DMGDH: variants seen among roughly 807,000 people sequenced by gnomAD.
DMGDH encodes the protein dimethylglycine dehydrogenase, mitochondrial.
In DMGDH, 76 loss-of-function variants were observed where a neutral mutation model predicts 95.2. The observed-to-expected ratio is 0.80, with a 90% CI of 0.66 to 0.97. DMGDH has a LOEUF of 0.97. Among genes scored for constraint, DMGDH ranks in the 50% least tolerant of loss-of-function variants. The pLI, the probability that DMGDH is intolerant of heterozygous loss-of-function variation, is 0.00. For missense variants in DMGDH, 987 were observed against 1,055.0 expected, an observed-to-expected ratio of 0.94 and a Z score of 0.89; for synonymous variants, 345 against 377.6, an observed-to-expected ratio of 0.91 and a Z score of 1.00.
At chr5:79,008,434 G>A (rs901767012) in intron 14 of DMGDH, among the ~76,000 whole-genome samples, 1 of 152,164 alleles carries the variant, frequency 6.6e-6, no homozygotes, top group Admixed American at 6.5e-5. Context: ...TCAAAGACAG[G>A]CAATCAACAA....
chr5:79,042,296 C>A lies in DMGDH; in HGVS notation c.1180G>T (p.Ala394Ser), dbSNP rs148324645. ...GAAGATACTTACCCAAAGCCTATAG[C>A]CACCCAGTAGTTTCTGACCCCCTGA... Reference protein sequence around the residue: ...PHQGVRNYWVAIGFGYGIIHA... With the variant: ...PHQGVRNYWVSIGFGYGIIHA... Residue 394 changes from alanine (A) to serine (S), a missense_variant, in exon 7 of 16, where the codon GCT (alanine) becomes TCT (serine). By Grantham distance (99) the Ala-to-Ser change is moderately conservative (BLOSUM62 1). Transcript: ENST00000255189. 3.7e-6 allele frequency: 6 copies of A among 1,613,976 alleles called. No individual in the cohort carries two copies. The highest frequency in any genetic ancestry group is 5.1e-6 in the Non-Finnish European group (6 of 1,179,962).
chr5:79,000,152 G>A, intron 15 of DMGDH: 1 of 561,188 alleles, frequency 1.8e-6, no homozygotes, highest in African/African-American at 1.9e-5. Flanking sequence ...ATTTTCAGGT[G>A]AATGTGTGTT....
intron 15 of DMGDH, 43 bp downstream of exon 15, chr5:79,005,230 A>G: frequency 6.2e-7 from 1 of 1,612,000 alleles, no homozygotes; most frequent in Non-Finnish European, 8.5e-7. Flanking sequence ...TTTCTGTTGC[A>G]GAAGATGCCA....
intron 15 of DMGDH, 96 bp from the exon 16 acceptor site, chr5:78,998,393 C>T: frequency 2.4e-6 from 3 of 1,260,660 alleles, no homozygotes; most frequent in Non-Finnish European, 3.4e-6. Context: ...ATTCAACTTA[C>T]AAAATGGAAG....
intron 14 of DMGDH, among the ~76,000 whole-genome samples, chr5:79,019,918 A>T (rs490270): frequency 1.3e-5 from 2 of 150,360 alleles, no homozygotes; most frequent in Middle Eastern, 3.2e-3. Flanking sequence ...ATAGATCGAT[A>T]GATAGATAGA....
rs1754155686 is a variant in DMGDH, at chr5:79,030,975, C to G, written c.1541G>C (p.Trp514Ser). 6.2e-7 allele frequency: 1 copy of G among 1,614,212 alleles called. No individual in the cohort carries two copies. Among genetic ancestry groups the G allele is most frequent in the African/African-American group, 1.3e-5 (1 of 75,062 alleles). ...ATACTCCGAGCCCACAGGCTCAAAC[C>G]AGTTTGTGCGGCGAAAACTTGGCCT... ...QYRPSFRRTNWFEPVGSEYKQ... is the reference protein window; with the variant it reads ...QYRPSFRRTNSFEPVGSEYKQ... The change falls in exon 10 of 16, where the codon TGG becomes TCG. Residue 514 changes from tryptophan (W) to serine (S), a missense_variant. Physicochemically the swap from Trp to Ser is radical, Grantham distance 177. Coordinates refer to ENST00000255189, the MANE Select transcript of DMGDH (RefSeq NM_013391.3).
At chr5:79,013,398 G>A (rs1753678106) in intron 14 of DMGDH, among the ~76,000 whole-genome samples, 1 of 152,094 alleles carries the variant, frequency 6.6e-6, no homozygotes, top group Non-Finnish European at 1.5e-5. Context: ...TCAGCATTTA[G>A]GTCACAACGA....
intron 14 of DMGDH, among the ~76,000 whole-genome samples, chr5:79,015,462 C>T (rs989954664): frequency 6.6e-6 from 1 of 152,214 alleles, no homozygotes; most frequent in Admixed American, 6.5e-5. Context: ...CCAGGATACA[C>T]TCCAAATTCC....
intron 14 of DMGDH, among the ~76,000 whole-genome samples, chr5:79,019,919 G>A (rs1753824716): frequency 6.7e-6 from 1 of 150,024 alleles, no homozygotes; most frequent in African/African-American, 2.5e-5. Flanking sequence ...TAGATCGATA[G>A]ATAGATAGAT....
intron 15 of DMGDH, chr5:78,999,967 G>T: frequency 4.4e-6 from 1 of 228,312 alleles, no homozygotes; most frequent in Non-Finnish European, 8.7e-6. Context: ...AATCACTTTT[G>T]GAAATTTCAC....
intron 14 of DMGDH, among the ~76,000 whole-genome samples, chr5:79,022,411 A>G (rs930337513): frequency 3.9e-5 from 6 of 152,220 alleles, no homozygotes; most frequent in African/African-American, 1.4e-4. Flanking sequence ...AAGTTGATCT[A>G]ATCTATTCAC....
chr5:79,005,230 A>T, intron 15 of DMGDH, 43 bp downstream of exon 15: 1 of 1,612,000 alleles, frequency 6.2e-7, no homozygotes, highest in Non-Finnish European at 8.5e-7. Context: ...TTTCTGTTGC[A>T]GAAGATGCCA....
At chr5:79,021,659 T>C (rs746138233) in intron 14 of DMGDH, 146 of 1,314,358 alleles carry the variant, frequency 1.1e-4, no homozygotes, top group Admixed American at 6.1e-4. Flanking sequence ...CTCCTTAAAA[T>C]GGGCAAAGCA....
At chr5:79,053,953 A>G (rs1270392459) in intron 4 of DMGDH, among the ~76,000 whole-genome samples, 1 of 152,214 alleles carries the variant, frequency 6.6e-6, no homozygotes. Context: ...AAAATGTTTA[A>G]TCAATTGTCA....
At chr5:79,052,110 A>T (rs1054930585) in intron 4 of DMGDH, among the ~76,000 whole-genome samples, 34 of 152,238 alleles carry the variant, frequency 2.2e-4, no homozygotes, top group African/African-American at 7.7e-4. Flanking sequence ...GTATTGTTAC[A>T]TTGATTAATT....
intron 7 of DMGDH, among the ~76,000 whole-genome samples, chr5:79,041,700 G>T (rs1754511518): frequency 6.6e-6 from 1 of 152,120 alleles, no homozygotes; most frequent in Non-Finnish European, 1.5e-5. Flanking sequence ...TATGCAAAGA[G>T]AAAGCTCCAG....
chr5:79,066,425 G>A (rs1442178056), intron 1 of DMGDH, among the ~76,000 whole-genome samples: 4 of 151,412 alleles, frequency 2.6e-5, no homozygotes, highest in African/African-American at 9.7e-5. Flanking sequence ...AGCTGGGACT[G>A]CAGGCGCCCA....
chr5:79,046,339 C>T (rs1013189968), intron 5 of DMGDH, among the ~76,000 whole-genome samples: 13 of 152,096 alleles, frequency 8.5e-5, no homozygotes, highest in Admixed American at 7.9e-4. Context: ...CTGCCTGGGG[C>T]TCCCAAAGTG....
At position 79,055,848 on chromosome 5, in the gene DMGDH, T is replaced by G; in HGVS notation, c.337A>C (p.Ile113Leu). ...INLKKIHYDS[I>L]KLYEKLEEET... ...TCTTCCAGTTTCTCATAAAGTTTGA[T>G]GCTATCATAATGTATTTTCTTCAAG... The change falls in exon 3 of 16, where the codon ATC becomes CTC. Residue 113 changes from isoleucine (I) to leucine (L), a missense_variant. Ile to Leu is a conservative substitution (Grantham distance 5). Coordinates refer to ENST00000255189, the MANE Select transcript of DMGDH (RefSeq NM_013391.3). The G allele has an allele frequency of 6.2e-7, 1 of 1,612,592 alleles. No homozygotes were observed. Among genetic ancestry groups the G allele is most frequent in the Non-Finnish European group, 8.5e-7 (1 of 1,178,636 alleles).
Sources: gnomAD v4.1 joint callset for allele counts (sites outside exome capture counted in the v4.1 genomes callset) on GRCh38, gnomAD v4.1.1 for gene constraint, MANE v1.5 for transcripts, NCBI Gene and HGNC (gene_info 2026-07-23, HGNC 2026-07-21) for gene names.